The following PDK1 variants were observed in gnomAD, a reference collection of about 807,000 sequenced individuals.
The protein encoded by PDK1 is pyruvate dehydrogenase kinase 1.
PDK1 carries 39 observed loss-of-function variants against 54.2 expected under a neutral mutation model. That is an observed-to-expected ratio of 0.72 (90% CI 0.56 to 0.94). PDK1 has a LOEUF of 0.94. Ranked by LOEUF, PDK1 falls within the 40% of genes least tolerant of loss-of-function variation. The pLI is 0.00. For synonymous variants in PDK1, 221 were observed against 207.1 expected, an observed-to-expected ratio of 1.07 and a Z score of -0.58; for missense variants, 552 against 566.0, an observed-to-expected ratio of 0.98 and a Z score of 0.25.
chr2:172,555,881 G>A, upstream of PDK1: 1 of 317,940 alleles, frequency 3.1e-6, no homozygotes, highest in Non-Finnish European at 5.7e-6. Flanking sequence ...GGCCTGGCGC[G>A]CGCTCCGCAT....
At chr2:172,721,982 G>T in the PDK1 span, among the ~76,000 whole-genome samples, 1 of 152,194 alleles carries the variant, frequency 6.6e-6, no homozygotes, top group African/African-American at 2.4e-5. Flanking sequence ...TTTATAGCTT[G>T]CCTTACCGTT....
At chr2:172,653,153 C>T in the PDK1 span, among the ~76,000 whole-genome samples, 4 of 152,044 alleles carry the variant, frequency 2.6e-5, no homozygotes, top group Admixed American at 6.5e-5. Context: ...ACAGAGCCCT[C>T]GGAAATAATA....
the PDK1 span, among the ~76,000 whole-genome samples, chr2:172,655,141 G>A: frequency 1.2e-3 from 189 of 152,268 alleles, no homozygotes; most frequent in Middle Eastern, 6.8e-3. Flanking sequence ...CTGCAGCCCT[G>A]CCCACGTGGT....
the PDK1 span, among the ~76,000 whole-genome samples, chr2:172,623,820 A>G: frequency 6.6e-6 from 1 of 152,240 alleles, no homozygotes; most frequent in Admixed American, 6.5e-5. Flanking sequence ...TTTAGTCATC[A>G]TACTTCATAG....
chr2:172,582,310 T>G (rs911186181), intron 8 of PDK1, among the ~76,000 whole-genome samples: 1 of 152,218 alleles, frequency 6.6e-6, no homozygotes, highest in African/African-American at 2.4e-5. Flanking sequence ...TAAGAAACTT[T>G]AGGAACTCTG....
At chr2:172,699,723 G>GTGCT in the PDK1 span, among the ~76,000 whole-genome samples, 4 of 147,848 alleles carry the variant, frequency 2.7e-5, no homozygotes, top group Non-Finnish European at 5.9e-5. Context: ...AGAACTAAAT[G>GTGCT]TGCTTTTTTT....
At chr2:172,706,180 G>A in the PDK1 span, among the ~76,000 whole-genome samples, 34,243 of 151,850 alleles carry the variant, frequency 0.23, 5,312 homozygotes, top group African/African-American at 0.44. Flanking sequence ...CTGTGAATCT[G>A]TCCTCCATTT....
chr2:172,668,900 T>C, the PDK1 span, among the ~76,000 whole-genome samples: 184 of 78,708 alleles, frequency 2.3e-3, 1 homozygote, highest in African/African-American at 3.8e-3. Context: ...CACACATATA[T>C]ATATATAGAG....
At chr2:172,690,706 A>G in the PDK1 span, among the ~76,000 whole-genome samples, 2 of 150,282 alleles carry the variant, frequency 1.3e-5, no homozygotes, top group African/African-American at 4.8e-5. Flanking sequence ...TTGCAGGGAC[A>G]TGGATGAAGC....
the PDK1 span, among the ~76,000 whole-genome samples, chr2:172,644,174 G>T: frequency 1.3e-5 from 2 of 152,200 alleles, no homozygotes; most frequent in Non-Finnish European, 2.9e-5. Flanking sequence ...AGAAAGGAGA[G>T]ATGACCAGGG....
chr2:172,692,559 T>C, the PDK1 span, among the ~76,000 whole-genome samples: 1 of 152,162 alleles, frequency 6.6e-6, no homozygotes, highest in South Asian at 2.1e-4. Context: ...GAAGAGTTTA[T>C]TACAAGCTGC....
At chr2:172,655,478 G>A in the PDK1 span, among the ~76,000 whole-genome samples, 1 of 152,288 alleles carries the variant, frequency 6.6e-6, no homozygotes, top group South Asian at 2.1e-4. Context: ...ACATTCACAT[G>A]GCCAGGCTTA....
the PDK1 span, among the ~76,000 whole-genome samples, chr2:172,682,604 T>C: frequency 2.6e-4 from 40 of 152,332 alleles, no homozygotes; most frequent in East Asian, 7.7e-4. Flanking sequence ...AGAGTGGCCA[T>C]TGGCTGAGAA....
chr2:172,702,041 CT>C, the PDK1 span, among the ~76,000 whole-genome samples: 1 of 152,058 alleles, frequency 6.6e-6, no homozygotes, highest in Non-Finnish European at 1.5e-5. Flanking sequence ...TTTACATGTG[CT>C]TAAGGTCAAG....
chr2:172,593,593 A>G (rs1690726420), intron 10 of PDK1, among the ~76,000 whole-genome samples: 1 of 152,216 alleles, frequency 6.6e-6, no homozygotes, highest in Non-Finnish European at 1.5e-5. Context: ...CATTCATCTT[A>G]GTTTTCAAGG....
At position 172,570,707 on chromosome 2, in the gene PDK1, C is replaced by T. The variant is rs2149230261; in HGVS notation, c.847-19C>T. Reference sequence around the variant, plus strand: ...TTTCTAAAAAGCTGTATTTTTAATACAACCCTAATGTATTTCAGAATGCAA... The same window carrying T: ...TTTCTAAAAAGCTGTATTTTTAATATAACCCTAATGTATTTCAGAATGCAA... On this transcript the variant is annotated intron_variant, in intron 7 of 10. Transcript: ENST00000282077. The T allele has an allele frequency of 7.1e-7, 1 of 1,411,280 alleles. No individual in the cohort carries two copies. Among genetic ancestry groups the T allele is most frequent in the Non-Finnish European group, 1.0e-6 (1 of 1,003,744 alleles). 87.4% of individuals were successfully genotyped at this position (1,411,280 alleles called of 1,614,324 possible).
the PDK1 span, among the ~76,000 whole-genome samples, chr2:172,630,726 T>C: frequency 6.6e-6 from 1 of 151,932 alleles, no homozygotes; most frequent in East Asian, 1.9e-4. Flanking sequence ...ACCTCCCAGG[T>C]TCAAGCAATT....
At chr2:172,720,504 G>A in the PDK1 span, among the ~76,000 whole-genome samples, 4 of 152,128 alleles carry the variant, frequency 2.6e-5, no homozygotes, top group Non-Finnish European at 5.9e-5. Flanking sequence ...CCCAAGGAAT[G>A]GACTGCTATT....
the PDK1 span, among the ~76,000 whole-genome samples, chr2:172,689,931 T>C: frequency 0.01 from 1,525 of 150,410 alleles, 75 homozygotes; most frequent in Non-Finnish European, 0.015. Context: ...ATTCAGGACA[T>C]AGGCATGGGC....
Sources: gnomAD v4.1 joint callset for allele counts (sites outside exome capture counted in the v4.1 genomes callset) on GRCh38, gnomAD v4.1.1 for gene constraint, MANE v1.5 for transcripts, NCBI Gene and HGNC (gene_info 2026-07-23, HGNC 2026-07-21) for gene names.